Variants in TACR3 observed in about 807,000 individuals in gnomAD.
TACR3 encodes the protein neuromedin-K receptor.
A neutral mutation model predicts 35.0 loss-of-function variants in TACR3; 34 were observed. The ratio of observed to expected loss-of-function variants is 0.97; its 90% CI spans 0.74 to 1.30. The LOEUF (loss-of-function observed/expected upper bound fraction) is 1.30, where lower values mean the gene tolerates loss of function less well. TACR3 is among the 50% of genes most tolerant of loss of function. The probability of loss-of-function intolerance (pLI) is 0.00; values close to 1 mark genes in which losing one functional copy is unlikely to be tolerated. For synonymous variants in TACR3, 233 were observed against 221.1 expected, an observed-to-expected ratio of 1.05 and a Z score of -0.48; for missense variants, 558 against 591.7, an observed-to-expected ratio of 0.94 and a Z score of 0.59.
At chr4:103,697,383 G>GTTAT (rs200248380) in intron 1 of TACR3, among the ~76,000 whole-genome samples, 8 of 148,816 alleles carry the variant, frequency 5.4e-5, no homozygotes, top group African/African-American at 7.6e-5. Flanking sequence ...GGGCACTTGT[G>GTTAT]TTATTTATTT....
At chr4:103,713,465 C>T (rs1332761243) in intron 1 of TACR3, among the ~76,000 whole-genome samples, 2 of 105,728 alleles carry the variant, frequency 1.9e-5, no homozygotes, top group Non-Finnish European at 3.5e-5. Context: ...CACACTGGGG[C>T]CTGTCATGGG....
chr4:103,628,080 A>G (rs961927646), intron 3 of TACR3, among the ~76,000 whole-genome samples: 1 of 152,174 alleles, frequency 6.6e-6, no homozygotes, highest in Admixed American at 6.5e-5. Context: ...AGAAATAAAA[A>G]TGTTCGTTGA....
rs993015373 is a variant in TACR3, at chr4:103,586,908, A to T, written c.*2774T>A. 38 of 152,072 alleles carry T rather than the reference A, an allele frequency of 2.5e-4. No individual in the cohort carries two copies. The highest frequency in any genetic ancestry group is 4.7e-4 in the Non-Finnish European group (32 of 68,004). The allele number at this position is 152,072 out of a possible 1,614,324, so 9.4% of individuals were successfully genotyped here. On this transcript the variant is annotated 3_prime_UTR_variant, in exon 5 of 5. Transcript: ENST00000304883. Reference sequence around the variant, plus strand: ...TTTAATGTATTTTGTTTAAAAGAGAATACTTACAATGATGTAAGCCTTTTT... The same window carrying T: ...TTTAATGTATTTTGTTTAAAAGAGATTACTTACAATGATGTAAGCCTTTTT...
chr4:103,684,848 A>G (rs940465316), intron 1 of TACR3, among the ~76,000 whole-genome samples: 22 of 151,956 alleles, frequency 1.4e-4, no homozygotes, highest in African/African-American at 4.8e-4. Context: ...TATGAAAAAT[A>G]TAAAAAATTA....
intron 1 of TACR3, among the ~76,000 whole-genome samples, chr4:103,710,870 G>A (rs148624811): frequency 0.028 from 4,185 of 152,172 alleles, 209 homozygotes; most frequent in African/African-American, 0.096. Flanking sequence ...ACACTTCTAC[G>A]CAAATAAACT....
intron 1 of TACR3, among the ~76,000 whole-genome samples, chr4:103,710,854 C>A (rs1276332792): frequency 6.6e-6 from 1 of 152,144 alleles, no homozygotes; most frequent in Non-Finnish European, 1.5e-5. Flanking sequence ...TCAGAGAACA[C>A]TATAAACACT....
At chr4:103,593,107 A>G (rs1406694503) in intron 3 of TACR3, among the ~76,000 whole-genome samples, 3 of 152,176 alleles carry the variant, frequency 2.0e-5, no homozygotes, top group Non-Finnish European at 4.4e-5. Context: ...TCCTATTCAT[A>G]ATTCATATAT....
At chr4:103,649,320 G>T (rs1421518814) in intron 3 of TACR3, among the ~76,000 whole-genome samples, 2 of 151,876 alleles carry the variant, frequency 1.3e-5, no homozygotes, top group Non-Finnish European at 1.5e-5. Flanking sequence ...TTTTGGTTTT[G>T]GTTGCCTGTG....
intron 1 of TACR3, among the ~76,000 whole-genome samples, chr4:103,666,616 T>C (rs1378878627): frequency 4.6e-5 from 7 of 152,192 alleles, no homozygotes; most frequent in Non-Finnish European, 1.0e-4. Context: ...ACTTAAATAG[T>C]AATTACAAAA....
intron 1 of TACR3, among the ~76,000 whole-genome samples, chr4:103,715,812 T>G (rs557705757): frequency 6.6e-6 from 1 of 152,294 alleles, no homozygotes; most frequent in Non-Finnish European, 1.5e-5. Flanking sequence ...TGAATGGAAA[T>G]CAAAATATTT....
At chr4:103,650,317 C>A (rs1009009177) in intron 3 of TACR3, among the ~76,000 whole-genome samples, 2 of 151,458 alleles carry the variant, frequency 1.3e-5, no homozygotes, top group African/African-American at 4.9e-5. Flanking sequence ...TGGGGTTCAC[C>A]CAAAGCCTGT....
chr4:103,639,772 G>T (rs1408840399), intron 3 of TACR3, among the ~76,000 whole-genome samples: 2 of 151,790 alleles, frequency 1.3e-5, no homozygotes, highest in East Asian at 3.9e-4. Context: ...AATAAAATAG[G>T]CAAGTTACTC....
chr4:103,650,633 T>G, intron 3 of TACR3, among the ~76,000 whole-genome samples: 1 of 84,490 alleles, frequency 1.2e-5, no homozygotes, highest in Non-Finnish European at 2.1e-5. Flanking sequence ...TATAAATATA[T>G]AATATATATT....
chr4:103,638,092 T>C (rs925941693), intron 3 of TACR3, among the ~76,000 whole-genome samples: 1 of 152,112 alleles, frequency 6.6e-6, no homozygotes, highest in African/African-American at 2.4e-5. Context: ...AAAACTACTT[T>C]AAAGTTCATA....
intron 1 of TACR3, among the ~76,000 whole-genome samples, chr4:103,680,204 A>G (rs1293285661): frequency 6.6e-6 from 1 of 151,712 alleles, no homozygotes; most frequent in African/African-American, 2.4e-5. Flanking sequence ...ACAATAAAAA[A>G]AGCCCATATG....
intron 3 of TACR3, among the ~76,000 whole-genome samples, chr4:103,626,120 A>G (rs1326339397): frequency 2.0e-5 from 3 of 152,156 alleles, no homozygotes; most frequent in African/African-American, 4.8e-5. Flanking sequence ...CAGCTCTAAC[A>G]AACTATCATT....
chr4:103,708,197 T>C (rs1056379502), intron 1 of TACR3, among the ~76,000 whole-genome samples: 2 of 152,210 alleles, frequency 1.3e-5, no homozygotes, highest in Non-Finnish European at 2.9e-5. Flanking sequence ...ACGGACAGAC[T>C]GCCTCCTTAA....
chr4:103,675,080 A>G (rs1309595871), intron 1 of TACR3, among the ~76,000 whole-genome samples: 1 of 152,186 alleles, frequency 6.6e-6, no homozygotes, highest in Non-Finnish European at 1.5e-5. Flanking sequence ...TATTATTCAT[A>G]TGGACATAAG....
chr4:103,687,483 T>C (rs1722277704), intron 1 of TACR3, among the ~76,000 whole-genome samples: 1 of 152,144 alleles, frequency 6.6e-6, no homozygotes. Context: ...GACATGATTG[T>C]ATATCTAGAA....
Sources: gnomAD v4.1 joint callset for allele counts (sites outside exome capture counted in the v4.1 genomes callset) on GRCh38, gnomAD v4.1.1 for gene constraint, MANE v1.5 for transcripts, NCBI Gene and HGNC (gene_info 2026-07-23, HGNC 2026-07-21) for gene names.